RAB11FIP3: variants seen among roughly 807,000 people sequenced by gnomAD.
The protein encoded by RAB11FIP3 is RAB11 family interacting protein 3.
In RAB11FIP3, 17 loss-of-function variants were observed where a neutral mutation model predicts 77.8. The observed-to-expected ratio is 0.22, with a 90% confidence interval of 0.15 to 0.33. The LOEUF (loss-of-function observed/expected upper bound fraction) is 0.33, where lower values mean the gene tolerates loss of function less well. RAB11FIP3 is among the 10% of genes least tolerant of loss of function. The pLI, the probability that RAB11FIP3 is intolerant of heterozygous loss-of-function variation, is 1.00. For synonymous variants in RAB11FIP3, 437 were observed against 448.2 expected (o/e 0.98, Z 0.31); for missense variants, 1,005 against 1,011.2 (o/e 0.99, Z 0.08).
At chr16:477,615 T>TG in intron 3 of RAB11FIP3, 1 of 985,420 alleles carries the variant, frequency 1.0e-6, no homozygotes, top group Non-Finnish European at 1.2e-6. Flanking sequence ...GAGTGGGCCC[T>TG]GGGCCCTGCC....
intron 1 of RAB11FIP3, among the ~76,000 whole-genome samples, chr16:445,745 G>A (rs1389678903): frequency 2.0e-5 from 3 of 152,108 alleles, no homozygotes; most frequent in African/African-American, 7.2e-5. Context: ...CTTCCTCCAG[G>A]CACTCACCAT....
rs199650336 is a variant in RAB11FIP3 at position 428,018 on chromosome 16, G to A, written c.714+1298G>A. 2.1e-3 allele frequency among the ~76,000 whole-genome samples: 313 copies of A among 151,858 alleles called. 7 individuals are homozygous for A. Among genetic ancestry groups the A allele is most frequent in the East Asian group, 6.4e-3 (33 of 5,130 alleles). ...CGGGAGGCTGAGGCAGGAGAATGGC[G>A]TGAACCCGGGAGGCGGAGCTTGCAG... is the stretch of plus-strand genomic sequence containing the variant. On this transcript the variant is annotated intron_variant, in intron 1 of 13. Coordinates refer to ENST00000262305, the MANE Select transcript of RAB11FIP3 (RefSeq NM_014700.4).
Position 461,605 on chromosome 16 carries a change from TCTC to T in RAB11FIP3, c.808+111_808+113del. 1 of 899,226 alleles carries T rather than the reference TCTC, an allele frequency of 1.1e-6. No individual in the cohort carries two copies. The highest frequency in any genetic ancestry group is 2.2e-5 in the Admixed American group (1 of 44,754). The allele number at this position is 899,226 out of a possible 1,614,324, so 55.7% of individuals were successfully genotyped here. ...TCGTGCTGACTCTAACATCTTTCCT[TCTC>T]CTTGAAGCCCCCAACATACCCCAGG... is the stretch of plus-strand genomic sequence containing the variant. On this transcript the variant is annotated intron_variant, in intron 2 of 13. Coordinates refer to ENST00000262305, the MANE Select transcript of RAB11FIP3 (RefSeq NM_014700.4). The surrounding 1 kb of genome is among the most constrained non-coding windows in gnomAD (Gnocchi z 4.5).
In RAB11FIP3 at chr16:426,991, G is replaced by A. The variant is rs2054958091; in HGVS notation, c.714+271G>A. Reference sequence around the variant, plus strand: ...CGCCTCGTCAGCTGGATCTTACCGAGGTCAGCTCCTCGCCTGGGGACACCC... The same window carrying A: ...CGCCTCGTCAGCTGGATCTTACCGAAGTCAGCTCCTCGCCTGGGGACACCC... On this transcript the variant is annotated intron_variant, in intron 1 of 13. Coordinates refer to ENST00000262305, the MANE Select transcript of RAB11FIP3 (RefSeq NM_014700.4). The surrounding 1 kb of genome is among the most constrained non-coding windows in gnomAD (Gnocchi z 5.0). Among the ~76,000 whole-genome samples the A allele has an allele frequency of 6.6e-6, 1 of 151,980 alleles. No homozygotes were observed. The highest frequency in any genetic ancestry group is 1.5e-5 in the Non-Finnish European group (1 of 67,964).
chr16:522,280 T>A lies in RAB11FIP3; in HGVS notation c.*1441T>A, dbSNP rs1464097207. 7.0e-6 allele frequency: 1 copy of A among 142,892 alleles called. No homozygotes were observed. The highest frequency in any genetic ancestry group is 2.6e-5 in the African/African-American group (1 of 37,818). The allele number at this position is 142,892 out of a possible 1,614,324, so 8.9% of individuals were successfully genotyped here. On this transcript the variant is annotated 3_prime_UTR_variant, in exon 14 of 14. Transcript: ENST00000262305. ...TATATATATATATATATATGTATAA[T>A]ATATAAAGACTGGCACCCTGCCTCT...
rs572441371 is a variant in RAB11FIP3, at chr16:507,652, C to T, written c.1499+2025C>T. On this transcript the variant is annotated intron_variant, in intron 8 of 13. Coordinates refer to ENST00000262305, the MANE Select transcript of RAB11FIP3 (RefSeq NM_014700.4). The surrounding 1 kb of genome is among the most constrained non-coding windows in gnomAD (Gnocchi z 4.6). ...AAGTCCACACTGCCGCCTGGCACCACCCACTGACCGTCTGCAGTGCAGCCC... is the reference window on the plus strand; with the variant it reads ...AAGTCCACACTGCCGCCTGGCACCATCCACTGACCGTCTGCAGTGCAGCCC... 1.3e-5 allele frequency among the ~76,000 whole-genome samples: 2 copies of T among 152,378 alleles called. No homozygotes were observed. Among genetic ancestry groups the T allele is most frequent in the East Asian group, 1.9e-4 (1 of 5,190 alleles).
intron 3 of RAB11FIP3, among the ~76,000 whole-genome samples, chr16:481,382 A>G (rs757094831): frequency 2.0e-5 from 3 of 152,036 alleles, no homozygotes; most frequent in Non-Finnish European, 4.4e-5. Context: ...ATGATGGTAC[A>G]TGCTTGTCTT....
Position 461,463 on chromosome 16 carries a change from C to A in RAB11FIP3, c.774C>A (p.Asp258Glu). 6.2e-7 allele frequency: 1 copy of A among 1,613,962 alleles called. No individual in the cohort carries two copies. Among genetic ancestry groups the A allele is most frequent in the Non-Finnish European group, 8.5e-7 (1 of 1,179,980 alleles). The change falls in exon 2 of 14, where the codon GAC becomes GAA. Residue 258 changes from aspartate to glutamate, a missense_variant. Coordinates refer to ENST00000262305, the MANE Select transcript of RAB11FIP3 (RefSeq NM_014700.4). This position sits in a 1 kb window ranked among gnomAD's most constrained non-coding sequence, Gnocchi z 4.5. ...PSGLGVISFEDFYQGITAIRN... is the reference protein window; with the variant it reads ...PSGLGVISFEEFYQGITAIRN... ...GGCTCGGCGTGATCAGCTTTGAAGA[C>A]TTCTACCAAGGGATCACAGCCATCA... is the stretch of plus-strand genomic sequence containing the variant.
rs540904153 is a variant in RAB11FIP3 at position 460,337 on chromosome 16, TG to T, written c.715-1063del. 4.2e-3 allele frequency among the ~76,000 whole-genome samples: 644 copies of T among 152,318 alleles called. 2 individuals carry two copies. Among genetic ancestry groups the T allele is most frequent in the Non-Finnish European group, 4.8e-3 (325 of 68,024 alleles). ...GTTTTAAATTTTTATTTTTAAGTTT[TG>T]GGGTACATGTGTAGGATGTACAGGT... On this transcript the variant is annotated intron_variant, in intron 1 of 13. Coordinates refer to ENST00000262305, the MANE Select transcript of RAB11FIP3 (RefSeq NM_014700.4).
At chr16:477,081 G>A (rs1305151346) in intron 3 of RAB11FIP3, among the ~76,000 whole-genome samples, 5 of 48,070 alleles carry the variant, frequency 1.0e-4, no homozygotes, top group South Asian at 1.1e-3. Context: ...GCAAGACTCC[G>A]TCTCAAAAAA....
chr16:456,307 G>A (rs553536827), intron 1 of RAB11FIP3, among the ~76,000 whole-genome samples: 8 of 151,972 alleles, frequency 5.3e-5, no homozygotes, highest in East Asian at 3.9e-4. Flanking sequence ...AAAATGAGCC[G>A]GGTGTGGCGG....
intron 2 of RAB11FIP3, among the ~76,000 whole-genome samples, chr16:466,736 C>T (rs2055707231): frequency 6.6e-6 from 1 of 152,202 alleles, no homozygotes; most frequent in Non-Finnish European, 1.5e-5. Context: ...AAGCTGGGGC[C>T]TTCTCCCAGA....
intron 4 of RAB11FIP3, among the ~76,000 whole-genome samples, chr16:485,832 T>TAG (rs1185313395): frequency 6.6e-6 from 1 of 152,280 alleles, no homozygotes; most frequent in Non-Finnish European, 1.5e-5. Flanking sequence ...GATGTTTACT[T>TAG]ACGCTTTCTT....
At chr16:467,782 G>C (rs1330838889) in intron 2 of RAB11FIP3, among the ~76,000 whole-genome samples, 1 of 61,046 alleles carries the variant, frequency 1.6e-5, no homozygotes. Flanking sequence ...GGGAGGAGGT[G>C]CTGGGGCCTC....
rs1049481957 is a variant in RAB11FIP3 at position 426,487 on chromosome 16, T to C, written c.481T>C (p.Phe161Leu). Residue 161 changes from phenylalanine (F) to leucine (L), a missense_variant, in exon 1 of 14, where the codon TTC becomes CTC. Coordinates refer to ENST00000262305, the MANE Select transcript of RAB11FIP3 (RefSeq NM_014700.4). The surrounding 1 kb of genome is among the most constrained non-coding windows in gnomAD (Gnocchi z 5.0). ...CCGAGCGCGGGGCGAGGTCGACGTC[T>C]TCTCTCCCTTCCCCGCGCCCACGGC... Reference protein sequence around the residue: ...SHRARGEVDVFSPFPAPTAGE... With the variant: ...SHRARGEVDVLSPFPAPTAGE... 2.2e-5 allele frequency: 34 copies of C among 1,580,388 alleles called. No homozygotes were observed. The highest frequency in any genetic ancestry group is 2.6e-5 in the Non-Finnish European group (30 of 1,164,412).
At chr16:511,417 C>A (rs1382098021) in intron 9 of RAB11FIP3, among the ~76,000 whole-genome samples, 187 of 89,450 alleles carry the variant, frequency 2.1e-3, no homozygotes, top group Middle Eastern at 0.013. Context: ...AACCCCAGAA[C>A]CTGCAGGCCA....
At chr16:476,981 C>G (rs1458519537) in intron 3 of RAB11FIP3, among the ~76,000 whole-genome samples, 1 of 150,252 alleles carries the variant, frequency 6.7e-6, no homozygotes. Flanking sequence ...CTCAGCTACT[C>G]AGGAGGCTGA....
chr16:519,931 G>A, intron 11 of RAB11FIP3, 40 bp downstream of exon 11: 1 of 1,541,862 alleles, frequency 6.5e-7, no homozygotes, highest in African/African-American at 1.4e-5. Flanking sequence ...CCTGCGCCCA[G>A]CCTGCCCCAC....
rs375954955 is a variant in RAB11FIP3, at chr16:472,426, G to C, written c.903+1037G>C. On this transcript the variant is annotated intron_variant, in intron 3 of 13. Transcript: ENST00000262305. The surrounding 1 kb of genome is among the most constrained non-coding windows in gnomAD (Gnocchi z 4.1). ...TGCTCTTTCTGCACGTGAGGCAGCA[G>C]TGAGGTGCTGGCTAAGAGGGCGTGT... 9.5e-4 allele frequency among the ~76,000 whole-genome samples: 145 copies of C among 152,354 alleles called. No homozygotes were observed. Among genetic ancestry groups the C allele is most frequent in the African/African-American group, 3.3e-3 (138 of 41,582 alleles).
Sources: gnomAD v4.1 joint callset for allele counts (sites outside exome capture counted in the v4.1 genomes callset) on GRCh38, gnomAD v4.1.1 for gene constraint, Gnocchi (gnomAD v3.1) non-coding constraint, MANE v1.5 for transcripts, NCBI Gene and HGNC (gene_info 2026-07-23, HGNC 2026-07-21) for gene names.